Variants in TMEM62 observed in about 807,000 individuals in gnomAD.
The protein encoded by TMEM62 is transmembrane protein 62.
In TMEM62, 41 loss-of-function variants were observed where a neutral mutation model predicts 70.4. The observed-to-expected ratio is 0.58, with a 90% CI of 0.45 to 0.76. The LOEUF is 0.76. Ranked by LOEUF, TMEM62 falls within the 30% of genes least tolerant of loss-of-function variation. TMEM62 has a pLI of 0.00. For synonymous variants in TMEM62, 268 were observed against 291.0 expected (o/e 0.92, Z 0.80); for missense variants, 688 against 788.5 (o/e 0.87, Z 1.53).
Position 43,185,100 on chromosome 15 carries a change from G to A in TMEM62, c.*514G>A. ...GGGCTCTCTGCTTCCTTAGTCGGAA[G>A]TGTTTTCAACTAATCAAATAAATGA... On this transcript the variant is annotated 3_prime_UTR_variant, in exon 14 of 14. Transcript: ENST00000260403. The A allele has an allele frequency of 3.7e-6, 1 of 269,508 alleles. No homozygotes were observed. Among genetic ancestry groups the A allele is most frequent in the Non-Finnish European group, 7.2e-6 (1 of 139,642 alleles). The allele number at this position is 269,508 out of a possible 1,614,324, so 16.7% of individuals were successfully genotyped here. A position where few individuals can be genotyped will look rare whatever the true frequency, so the allele number is the denominator to read the frequency against.
intron 9 of TMEM62, among the ~76,000 whole-genome samples, chr15:43,156,955 T>C (rs2038119661): frequency 6.6e-6 from 1 of 152,170 alleles, no homozygotes; most frequent in Non-Finnish European, 1.5e-5. Flanking sequence ...TTCTTATATG[T>C]ATAACTTTAA....
In TMEM62 at chr15:43,135,402, C is replaced by A. The variant is rs1038873806; in HGVS notation, c.293-110C>A. On this transcript the variant is annotated intron_variant, in intron 2 of 13. Transcript: ENST00000260403. ...GGTCTCGTGAGCAGTTATGCTTATA[C>A]ACGTTGAGTGCTTTAAGTATCCTTG... 4.5e-6 allele frequency: 5 copies of A among 1,110,474 alleles called. No homozygotes were observed. The Admixed American group carries it at 1.4e-4, about 31-fold the overall frequency. The allele number at this position is 1,110,474 out of a possible 1,614,324, so 68.8% of individuals were successfully genotyped here. A position where few individuals can be genotyped will look rare whatever the true frequency, so the allele number is the denominator to read the frequency against.
chr15:43,175,936 AAG>A (rs1723136686), intron 11 of TMEM62, among the ~76,000 whole-genome samples: 1 of 152,174 alleles, frequency 6.6e-6, no homozygotes, highest in Non-Finnish European at 1.5e-5. Flanking sequence ...TAGTCAAAGA[AAG>A]GGGTAACAGA....
At chr15:43,151,322 A>G (rs1013812612) in intron 7 of TMEM62, among the ~76,000 whole-genome samples, 1 of 151,524 alleles carries the variant, frequency 6.6e-6, no homozygotes, top group Admixed American at 6.6e-5. Flanking sequence ...AAAATAAGAA[A>G]AAAAAAAAAA....
At chr15:43,178,393 T>C (rs1596357323) in intron 11 of TMEM62, among the ~76,000 whole-genome samples, 1 of 152,312 alleles carries the variant, frequency 6.6e-6, no homozygotes, top group South Asian at 2.1e-4. Context: ...ACACCATTTC[T>C]TCGAACTCTC....
rs565445123 is a variant in TMEM62, at chr15:43,164,389, T to G, written c.1296+3595T>G. Among the ~76,000 whole-genome samples, 7 of 152,286 alleles carry G rather than the reference T, an allele frequency of 4.6e-5. No homozygotes were observed. In the South Asian group the frequency reaches 1.4e-3, roughly 32 times the overall value. ...ATTACAGTGTCAGAGTATTCTATAT[T>G]AGGCTGTATATTTACTGTTGCCAGT... On this transcript the variant is annotated intron_variant, in intron 10 of 13. Transcript: ENST00000260403.
At chr15:43,139,454 T>G (rs1046299744) in intron 4 of TMEM62, among the ~76,000 whole-genome samples, 3 of 152,144 alleles carry the variant, frequency 2.0e-5, no homozygotes, top group Non-Finnish European at 4.4e-5. Flanking sequence ...AATCAAAAGG[T>G]AGAAATGATG....
At chr15:43,135,380 C>G in intron 2 of TMEM62, 132 bp from the exon 3 acceptor site, 1 of 825,432 alleles carries the variant, frequency 1.2e-6, no homozygotes, top group South Asian at 3.4e-5. Context: ...CATTGGTGGT[C>G]TCGTGAGCAG....
chr15:43,149,493 T>C (rs1026118984), intron 7 of TMEM62, among the ~76,000 whole-genome samples: 3 of 143,114 alleles, frequency 2.1e-5, no homozygotes, highest in Non-Finnish European at 4.6e-5. Context: ...TGGATTAGGG[T>C]CCAACAAATT....
chr15:43,140,636 G>A (rs756663007), intron 4 of TMEM62, among the ~76,000 whole-genome samples: 2 of 152,146 alleles, frequency 1.3e-5, no homozygotes, highest in African/African-American at 2.4e-5. Flanking sequence ...CACTAGATTT[G>A]TACCTCTTTT....
Position 43,175,876 on chromosome 15 carries a change from G to A in TMEM62, c.1382-2731G>A, listed in dbSNP as rs562795800. Among the ~76,000 whole-genome samples the A allele has an allele frequency of 1.7e-3, 252 of 152,326 alleles. 1 individual carries two copies. The Middle Eastern group carries it at 0.027, about 16-fold the overall frequency. ...CACCGTGCGTGAGCCGAAGCAGGGC[G>A]AGGCATTGCCTCACTCGGGAAGCGC... On this transcript the variant is annotated intron_variant, in intron 11 of 13. Transcript: ENST00000260403.
At chr15:43,176,860 A>C (rs1014229105) in intron 11 of TMEM62, among the ~76,000 whole-genome samples, 7 of 152,132 alleles carry the variant, frequency 4.6e-5, no homozygotes, top group African/African-American at 1.7e-4. Flanking sequence ...AAGTTGAGAG[A>C]AGAAGGCTTC....
At chr15:43,150,367 A>G (rs2037213434) in intron 7 of TMEM62, among the ~76,000 whole-genome samples, 1 of 152,176 alleles carries the variant, frequency 6.6e-6, no homozygotes, top group Non-Finnish European at 1.5e-5. Context: ...TAAGTGCTCT[A>G]GTTACAAGTT....
intron 11 of TMEM62, among the ~76,000 whole-genome samples, chr15:43,174,266 T>G (rs2040509858): frequency 6.6e-6 from 1 of 152,210 alleles, no homozygotes; most frequent in African/African-American, 2.4e-5. Flanking sequence ...AATCAAATTT[T>G]CCTGATCCCT....
At chr15:43,162,564 C>T (rs2038876962) in intron 10 of TMEM62, among the ~76,000 whole-genome samples, 1 of 151,616 alleles carries the variant, frequency 6.6e-6, no homozygotes, top group Non-Finnish European at 1.5e-5. Flanking sequence ...CCTGAGTAGC[C>T]AGGATTACCG....
chr15:43,154,014 C>T, intron 8 of TMEM62, among the ~76,000 whole-genome samples: 1 of 152,116 alleles, frequency 6.6e-6, no homozygotes, highest in East Asian at 1.9e-4. Flanking sequence ...TATCATATTA[C>T]CAAGCAATAT....
At chr15:43,175,245 G>A (rs1377601167) in intron 11 of TMEM62, among the ~76,000 whole-genome samples, 1 of 152,148 alleles carries the variant, frequency 6.6e-6, no homozygotes, top group Non-Finnish European at 1.5e-5. Flanking sequence ...AGCTGAGAGA[G>A]TAACACAAAG....
chr15:43,176,919 A>G (rs1015964765), intron 11 of TMEM62, among the ~76,000 whole-genome samples: 1 of 152,106 alleles, frequency 6.6e-6, no homozygotes, highest in Non-Finnish European at 1.5e-5. Context: ...AACCAAAGGC[A>G]AAGAAGTTAA....
intron 13 of TMEM62, 31 bp downstream of exon 13, chr15:43,181,330 T>C (rs2041309245): frequency 7.1e-7 from 1 of 1,417,080 alleles, no homozygotes. Flanking sequence ...TTTAAGAACA[T>C]CTTGGACTTG....
Sources: allele counts gnomAD v4.1 joint callset (sites outside exome capture counted in the v4.1 genomes callset), GRCh38; gene constraint gnomAD v4.1.1; transcripts MANE v1.5; gene names NCBI Gene and HGNC (gene_info 2026-07-23, HGNC 2026-07-21).